CLRN1: variants seen among roughly 807,000 people sequenced by gnomAD.
CLRN1 encodes clarin-1.
A neutral mutation model predicts 18.7 loss-of-function variants in CLRN1; 15 were observed. That is an observed-to-expected ratio of 0.80 (90% CI 0.54 to 1.23). The LOEUF (loss-of-function observed/expected upper bound fraction) is 1.23. CLRN1 is among the 50% of genes most tolerant of loss of function. The probability of loss-of-function intolerance (pLI) is 0.00; values close to 1 mark genes in which losing one functional copy is unlikely to be tolerated. For synonymous variants in CLRN1, 104 were observed against 102.9 expected (o/e 1.01, Z -0.07); for missense variants, 311 against 277.5 (o/e 1.12, Z -0.86).
intron 1 of CLRN1, chr3:150,943,723 C>T (rs528659800): frequency 3.3e-5 from 53 of 1,590,704 alleles, no homozygotes; most frequent in Non-Finnish European, 4.3e-5. Flanking sequence ...AAGCAAAGGG[C>T]CCACTGAGCT....
At chr3:150,959,354 C>G (rs2107978485) in intron 1 of CLRN1, among the ~76,000 whole-genome samples, 1 of 152,202 alleles carries the variant, frequency 6.6e-6, no homozygotes. Flanking sequence ...TACAGCCGGG[C>G]TTGGTGGCTC....
At chr3:150,944,866 C>T (rs1714083557) in intron 1 of CLRN1, among the ~76,000 whole-genome samples, 1 of 152,068 alleles carries the variant, frequency 6.6e-6, no homozygotes, top group South Asian at 2.1e-4. Context: ...AGGCTTGGGC[C>T]CCAGGATGGG....
At chr3:150,942,698 C>T in intron 1 of CLRN1, 1 of 376,652 alleles carries the variant, frequency 2.7e-6, no homozygotes, top group Middle Eastern at 3.6e-4. Flanking sequence ...GATAGCTTAT[C>T]TCCAAAAATG....
intron 1 of CLRN1, among the ~76,000 whole-genome samples, chr3:150,943,158 A>G (rs1349083544): frequency 6.6e-6 from 1 of 152,182 alleles, no homozygotes; most frequent in Non-Finnish European, 1.5e-5. Flanking sequence ...AGCGGTATCA[A>G]TGACAGAAGT....
intron 1 of CLRN1, among the ~76,000 whole-genome samples, chr3:150,958,635 C>T (rs1714871290): frequency 6.6e-6 from 1 of 152,226 alleles, no homozygotes; most frequent in South Asian, 2.1e-4. Context: ...TTCTTCAATG[C>T]CATCTAGTGA....
chr3:150,939,684 C>G (rs1445395270), intron 2 of CLRN1, among the ~76,000 whole-genome samples: 1 of 152,150 alleles, frequency 6.6e-6, no homozygotes, highest in Non-Finnish European at 1.5e-5. Flanking sequence ...CTGGGAACTC[C>G]AGTTTGAGAA....
intron 2 of CLRN1, 90 bp from the exon 3 acceptor site, chr3:150,928,291 T>G: frequency 1.6e-4 from 230 of 1,460,512 alleles, no homozygotes; most frequent in Non-Finnish European, 1.9e-4. Flanking sequence ...AGGAATTCTC[T>G]TACCATCATC....
At chr3:150,969,292 A>AATAT (rs766087778) in intron 1 of CLRN1, among the ~76,000 whole-genome samples, 801 of 61,354 alleles carry the variant, frequency 0.013, 30 homozygotes, top group African/African-American at 0.046. Flanking sequence ...TGTGGCTTGT[A>AATAT]ATATATATAT....
chr3:150,939,904 T>A (rs1713713434), intron 2 of CLRN1, among the ~76,000 whole-genome samples: 1 of 152,244 alleles, frequency 6.6e-6, no homozygotes, highest in Non-Finnish European at 1.5e-5. Flanking sequence ...TCTTCAGCTC[T>A]GATTGCAAAG....
chr3:150,971,972 T>G (rs1715558075), intron 1 of CLRN1, among the ~76,000 whole-genome samples: 1 of 152,160 alleles, frequency 6.6e-6, no homozygotes, highest in Admixed American at 6.5e-5. Context: ...AAATGAAAAC[T>G]GAATATTTAG....
intron 1 of CLRN1, among the ~76,000 whole-genome samples, chr3:150,962,972 A>G (rs1404258554): frequency 1.3e-5 from 2 of 152,244 alleles, no homozygotes; most frequent in African/African-American, 4.8e-5. Context: ...TCAGATGGTT[A>G]CATGAGAACC....
intron 1 of CLRN1, among the ~76,000 whole-genome samples, chr3:150,965,500 C>A (rs1576646614): frequency 6.6e-6 from 1 of 152,084 alleles, no homozygotes; most frequent in African/African-American, 2.4e-5. Context: ...AAAGTCTAAT[C>A]TTTTGCCAGT....
chr3:150,971,547 A>T (rs1017563952), intron 1 of CLRN1, among the ~76,000 whole-genome samples: 11 of 152,206 alleles, frequency 7.2e-5, no homozygotes, highest in African/African-American at 2.4e-4. Flanking sequence ...ATAATAATTC[A>T]TTTTAAATGC....
At chr3:150,969,091 G>A (rs1715401569) in intron 1 of CLRN1, among the ~76,000 whole-genome samples, 2 of 149,134 alleles carry the variant, frequency 1.3e-5, no homozygotes, top group South Asian at 4.2e-4. Context: ...ATACACTCTA[G>A]ATTTCCAAGA....
intron 1 of CLRN1, among the ~76,000 whole-genome samples, chr3:150,952,934 TTTCTTC>T (rs968988955): frequency 6.6e-6 from 1 of 151,960 alleles, no homozygotes; most frequent in Non-Finnish European, 1.5e-5. Flanking sequence ...CTTTATCAGG[TTTCTTC>T]TTCTTCTTCT....
intron 1 of CLRN1, among the ~76,000 whole-genome samples, chr3:150,961,862 C>T (rs1715055694): frequency 6.6e-6 from 1 of 152,162 alleles, no homozygotes; most frequent in African/African-American, 2.4e-5. Context: ...CCCATAATCT[C>T]ACACTCAGGT....
At chr3:150,951,248 G>A (rs1457725250) in intron 1 of CLRN1, among the ~76,000 whole-genome samples, 2 of 152,114 alleles carry the variant, frequency 1.3e-5, no homozygotes, top group South Asian at 2.1e-4. Context: ...ACCCCCAAAC[G>A]TAAAAGTTTT....
chr3:150,968,137 G>C (rs1011906598), intron 1 of CLRN1, among the ~76,000 whole-genome samples: 3 of 151,982 alleles, frequency 2.0e-5, no homozygotes, highest in African/African-American at 7.3e-5. Context: ...AACTATCTTG[G>C]CAATGAATAG....
In CLRN1 at chr3:150,950,521, A is replaced by G. The variant is rs949786050; in HGVS notation, c.254-8760T>C. ...ACATGAGCAGACACTTTTCAAAAGA[A>G]GATGTACCTGCAGCCAACGAACATG... On this transcript the variant is annotated intron_variant, in intron 1 of 2. Transcript: ENST00000327047. Among the ~76,000 whole-genome samples the G allele has an allele frequency of 3.9e-5, 6 of 152,258 alleles. 1 individual carries two copies. Among genetic ancestry groups the G allele is most frequent in the South Asian group, 4.1e-4 (2 of 4,834 alleles).
Sources: allele counts gnomAD v4.1 joint callset (sites outside exome capture counted in the v4.1 genomes callset), GRCh38; gene constraint gnomAD v4.1.1; transcripts MANE v1.5; gene names NCBI Gene and HGNC (gene_info 2026-07-23, HGNC 2026-07-21).